Variants in FMNL3 observed in about 807,000 individuals in gnomAD.
FMNL3 encodes formin-like protein 3.
FMNL3 carries 57 observed loss-of-function variants against 119.6 expected under a neutral mutation model. The observed-to-expected ratio is 0.48, with a 90% CI of 0.39 to 0.59. The LOEUF (loss-of-function observed/expected upper bound fraction) is 0.59. Ranked by LOEUF, FMNL3 falls within the 20% of genes least tolerant of loss-of-function variation. FMNL3 has a pLI of 0.00. For missense variants in FMNL3, 1,053 were observed against 1,323.5 expected, an observed-to-expected ratio of 0.80 and a Z score of 3.17; for synonymous variants, 491 against 507.3, an observed-to-expected ratio of 0.97 and a Z score of 0.43.
chr12:49,705,336 C>T (rs574517927), intron 1 of FMNL3, among the ~76,000 whole-genome samples: 8 of 152,156 alleles, frequency 5.3e-5, no homozygotes, highest in African/African-American at 9.7e-5. Context: ...TAGGACATCA[C>T]GTGCATTTTG....
In FMNL3 at chr12:49,642,104, GACTATAT is replaced by G; in HGVS notation, c.*3704_*3710del. On this transcript the variant is annotated 3_prime_UTR_variant, in exon 26 of 26. Coordinates refer to ENST00000335154, the MANE Select transcript of FMNL3 (RefSeq NM_175736.5). The surrounding 1 kb of genome is among the most constrained non-coding windows in gnomAD (Gnocchi z 5.8). Reference sequence around the variant, plus strand: ...ATTCCTTCTCACTCACTGTCCCACTGACTATATTCCCAATTCAGGGGATGGTGGTAGA... The same window carrying G: ...ATTCCTTCTCACTCACTGTCCCACTGTCCCAATTCAGGGGATGGTGGTAGA... The G allele has an allele frequency of 6.2e-7, 1 of 1,603,816 alleles. No homozygotes were observed. Among genetic ancestry groups the G allele is most frequent in the Non-Finnish European group, 8.5e-7 (1 of 1,173,108 alleles).
rs972706468 is a variant in FMNL3 at position 49,655,085 on chromosome 12, A to G, written c.886-101T>C. On this transcript the variant is annotated intron_variant, in intron 9 of 25. Coordinates refer to ENST00000335154, the MANE Select transcript of FMNL3 (RefSeq NM_175736.5). The stretch of plus-strand genomic sequence containing the variant: ...ACATCATGGCAAAGGACTGGTTCAG[A>G]CCAAGCTTAACCACAGCTCTATATA... 3 of 995,134 alleles carry G rather than the reference A, an allele frequency of 3.0e-6. No individual in the cohort carries two copies. In the Admixed American group the frequency reaches 6.4e-5, roughly 21 times the overall value. 61.6% of individuals were successfully genotyped at this position (995,134 alleles called of 1,614,324 possible). A position where few individuals can be genotyped will look rare whatever the true frequency, so the allele number is the denominator to read the frequency against.
rs535964869 is a variant in FMNL3 at position 49,636,888 on chromosome 12, G to T, written c.*8927C>A. 3.1e-6 allele frequency: 5 copies of T among 1,611,670 alleles called. No homozygotes were observed. The highest frequency in any genetic ancestry group is 2.1e-4 in the Middle Eastern group (1 of 4,842). On this transcript the variant is annotated 3_prime_UTR_variant, in exon 26 of 26. Coordinates refer to ENST00000335154, the MANE Select transcript of FMNL3 (RefSeq NM_175736.5). ...CCTTTCTAGATCAGAGCTCAGCTCTGCCCTAGAGCACAACCTCTTCACCCA... is the reference window on the plus strand; with the variant it reads ...CCTTTCTAGATCAGAGCTCAGCTCTTCCCTAGAGCACAACCTCTTCACCCA...
rs1220500226 is a variant in FMNL3 at position 49,649,480 on chromosome 12, T to C, written c.2294A>G (p.Gln765Arg). ...ASVKSSQKLK[Q>R]MLEIILALGN... ...ACAACCTCTTCCCACCTCCAACATC[T>C]GCTTCAGCTTCTGTGAAGACTTGAC... Residue 765 changes from glutamine to arginine, a missense_variant, in exon 19 of 26, where the codon CAG (glutamine) becomes CGG (arginine). Gln to Arg is a conservative substitution (Grantham distance 43). This residue lies in a region of FMNL3 where 324 missense variants were observed against 380.9 expected (regional missense o/e 0.85). Transcript: ENST00000335154. The surrounding 1 kb of genome is among the most constrained non-coding windows in gnomAD (Gnocchi z 5.6). 1.2e-6 allele frequency: 2 copies of C among 1,614,050 alleles called. No homozygotes were observed. Among genetic ancestry groups the C allele is most frequent in the Non-Finnish European group, 1.7e-6 (2 of 1,180,052 alleles).
chr12:49,686,320 A>G (rs533393786), intron 1 of FMNL3, among the ~76,000 whole-genome samples: 2 of 149,968 alleles, frequency 1.3e-5, no homozygotes, highest in African/African-American at 4.9e-5. Flanking sequence ...GGTGGCTCAC[A>G]CCTGTAATCC....
chr12:49,707,089 G>A lies in FMNL3; in HGVS notation c.92C>T (p.Pro31Leu), dbSNP rs760470028. ...GGCGAACCTTTCCTCCAGCTCACAG[G>A]GCTCAGGCATCGGCATCTTGCCGGG... ...LPPGKMPMPE[P>L]CELEERFALV... The change falls in exon 1 of 26, where the codon CCC becomes CTC. Residue 31 changes from proline to leucine, a missense_variant. By Grantham distance (98) the Pro-to-Leu change is moderately conservative. Around this residue, in one of 4 missense-constraint regions of FMNL3, gnomAD observed 264 missense variants for 265.5 expected, o/e 0.99. Coordinates refer to ENST00000335154, the MANE Select transcript of FMNL3 (RefSeq NM_175736.5). 4 of 1,599,146 alleles carry A rather than the reference G, an allele frequency of 2.5e-6. No homozygotes were observed. Among genetic ancestry groups the A allele is most frequent in the East Asian group, 4.6e-5 (2 of 43,858 alleles).
At chr12:49,656,570 G>T in intron 8 of FMNL3, 73 bp from the exon 9 acceptor site, 1 of 1,378,042 alleles carries the variant, frequency 7.3e-7, no homozygotes, top group Non-Finnish European at 1.0e-6. Context: ...TTCCCTGACT[G>T]GGTAAGTCCT....
Position 49,644,045 on chromosome 12 carries a change from A to G in FMNL3, c.*1770T>C. 6.2e-7 allele frequency: 1 copy of G among 1,614,178 alleles called. No individual in the cohort carries two copies. Among genetic ancestry groups the G allele is most frequent in the Non-Finnish European group, 8.5e-7 (1 of 1,180,010 alleles). The stretch of plus-strand genomic sequence containing the variant: ...CCTAGGCCAGTCAGCACGCTGGTCA[A>G]GCTTCCACGGCCCTTAGTGCAGGCT... On this transcript the variant is annotated 3_prime_UTR_variant, in exon 26 of 26. Coordinates refer to ENST00000335154, the MANE Select transcript of FMNL3 (RefSeq NM_175736.5).
At chr12:49,674,043 T>C in intron 1 of FMNL3, among the ~76,000 whole-genome samples, 1 of 152,020 alleles carries the variant, frequency 6.6e-6, no homozygotes, top group Non-Finnish European at 1.5e-5. Flanking sequence ...GGGGAGGAAA[T>C]GGAACAGATG....
At chr12:49,662,285 G>T (rs764057522) in intron 4 of FMNL3, among the ~76,000 whole-genome samples, 3 of 152,182 alleles carry the variant, frequency 2.0e-5, no homozygotes, top group Admixed American at 6.5e-5. Flanking sequence ...TATCGTGAAG[G>T]TGCTTCAGAC....
At chr12:49,702,340 T>C (rs933864576) in intron 1 of FMNL3, among the ~76,000 whole-genome samples, 2 of 151,996 alleles carry the variant, frequency 1.3e-5, no homozygotes, top group African/African-American at 4.8e-5. Flanking sequence ...ATCAAAACAT[T>C]GTATAAAACT....
intron 1 of FMNL3, among the ~76,000 whole-genome samples, chr12:49,699,904 A>T (rs1386915519): frequency 6.6e-6 from 1 of 152,254 alleles, no homozygotes; most frequent in African/African-American, 2.4e-5. Flanking sequence ...AGAGAAAGGT[A>T]GACACATATA....
intron 5 of FMNL3, chr12:49,659,777 G>A: frequency 1.0e-6 from 1 of 985,360 alleles, no homozygotes; most frequent in South Asian, 4.7e-5. Context: ...AACTCACAGG[G>A]ACTCCTCTCT....
At position 49,653,219 on chromosome 12, in the gene FMNL3, C is replaced by CT; in HGVS notation, c.1323+6dup. The CT allele has an allele frequency of 6.2e-7, 1 of 1,613,772 alleles. No homozygotes were observed. The highest frequency in any genetic ancestry group is 8.5e-7 in the Non-Finnish European group (1 of 1,179,824). ...GTCAGGGACTGCCTTCCCCAGAGTA[C>CT]TTGTACCTTGATGCTCTCTAGTTCC... On this transcript the variant is annotated splice_region_variant and intron_variant, in intron 13 of 25. Transcript: ENST00000335154.
At position 49,650,765 on chromosome 12, in the gene FMNL3, A is replaced by T. The variant is rs1389681308; in HGVS notation, c.1911T>A (p.Thr637=). 3 of 1,614,090 alleles carry T rather than the reference A, an allele frequency of 1.9e-6. No homozygotes were observed. The highest frequency in any genetic ancestry group is 2.5e-6 in the Non-Finnish European group (3 of 1,180,046). The change falls in exon 17 of 26, where the codon ACT becomes ACA. Residue 637 remains threonine (T), a synonymous_variant. Transcript: ENST00000335154. ...TCTTGGCACGATTGGCTTCCAACAGAGTCACCTTGCTGGCAGCTTTTTGCG... is the reference window on the plus strand; with the variant it reads ...TCTTGGCACGATTGGCTTCCAACAGTGTCACCTTGCTGGCAGCTTTTTGCG... ...KTAQKAASKV[T]LLEANRAKNL... is the part of the protein sequence containing the mutation.
Position 49,649,099 on chromosome 12 carries a change from T to C in FMNL3, c.2445A>G (p.Thr815=), listed in dbSNP as rs772340742. The C allele has an allele frequency of 1.9e-6, 3 of 1,613,646 alleles. No homozygotes were observed. The African/African-American group carries it at 4.0e-5, about 22-fold the overall frequency. The part of the protein sequence containing the change: ...KMTLLHFIAL[T]VKEKYPDLAN... The stretch of plus-strand genomic sequence containing the variant: ...CCAGGTCTGGGTATTTCTCCTTCAC[T>C]GTCAAGGCGATGAAATGAAGCAGTG... Residue 815 remains threonine, a synonymous_variant, in exon 21 of 26, where the codon ACA becomes ACG. Transcript: ENST00000335154. This position sits in a 1 kb window ranked among gnomAD's most constrained non-coding sequence, Gnocchi z 5.6.
chr12:49,684,108 C>A (rs1944400940), intron 1 of FMNL3, among the ~76,000 whole-genome samples: 2 of 152,200 alleles, frequency 1.3e-5, no homozygotes, highest in Admixed American at 1.3e-4. Flanking sequence ...CCCCTCTAGA[C>A]TGAACTCCTG....
chr12:49,705,141 A>C (rs1166150042), intron 1 of FMNL3, among the ~76,000 whole-genome samples: 31 of 152,156 alleles, frequency 2.0e-4, no homozygotes, highest in Non-Finnish European at 4.4e-5. Context: ...TGAGACAACT[A>C]ACTAGCTCTG....
rs558600839 is a variant in FMNL3, at chr12:49,673,642, G to A, written c.127-5088C>T. Among the ~76,000 whole-genome samples, 22 of 152,360 alleles carry A rather than the reference G, an allele frequency of 1.4e-4. No individual in the cohort carries two copies. In the East Asian group the frequency reaches 2.7e-3, roughly 19 times the overall value. ...GCTCCTGCTGCCTTGGCCCCTTGGC[G>A]GCCACAGCCAGTCCTGCCGCAGTAG... is the stretch of plus-strand genomic sequence containing the variant. On this transcript the variant is annotated intron_variant, in intron 1 of 25. Coordinates refer to ENST00000335154, the MANE Select transcript of FMNL3 (RefSeq NM_175736.5).
Sources: allele counts gnomAD v4.1 joint callset (sites outside exome capture counted in the v4.1 genomes callset), GRCh38; gene constraint gnomAD v4.1.1; regional missense constraint gnomAD v4.1.1; non-coding constraint Gnocchi (gnomAD v3.1); transcripts MANE v1.5; gene names NCBI Gene and HGNC (gene_info 2026-07-23, HGNC 2026-07-21).